The following NADSYN1 variants were observed in gnomAD, a reference collection of about 807,000 sequenced individuals.
The protein encoded by NADSYN1 is glutamine-dependent NAD(+) synthetase.
In NADSYN1, 80 loss-of-function variants were observed where a neutral mutation model predicts 99.3. That is an observed-to-expected ratio of 0.81 (90% CI 0.67 to 0.97). NADSYN1 has a LOEUF of 0.97. NADSYN1 is among the 50% of genes least tolerant of loss of function. The pLI is 0.00. For missense variants in NADSYN1, 859 were observed against 948.5 expected (o/e 0.91, Z 1.24); for synonymous variants, 385 against 372.1 (o/e 1.03, Z -0.40).
At chr11:71,480,670 G>A in intron 10 of NADSYN1, 85 bp from the exon 11 acceptor site, 30 of 1,593,296 alleles carry the variant, frequency 1.9e-5, no homozygotes, top group Non-Finnish European at 2.6e-5. Context: ...TGTGGCTGAT[G>A]GAGTCCTGCT....
intron 10 of NADSYN1, 38 bp downstream of exon 10, chr11:71,478,507 C>A: frequency 6.4e-7 from 1 of 1,556,564 alleles, no homozygotes; most frequent in Non-Finnish European, 8.7e-7. Context: ...GGATGCTCAT[C>A]AAAGACGTGG....
intron 5 of NADSYN1, among the ~76,000 whole-genome samples, chr11:71,470,022 A>C (rs930314878): frequency 1.3e-5 from 2 of 152,144 alleles, no homozygotes; most frequent in Non-Finnish European, 2.9e-5. Flanking sequence ...AAAGAACTTT[A>C]ATAAACTCAC....
At chr11:71,480,924 C>A in intron 11 of NADSYN1, 45 bp downstream of exon 11, 1 of 1,608,052 alleles carries the variant, frequency 6.2e-7, no homozygotes, top group South Asian at 1.1e-5. Flanking sequence ...GTCTGTGTGG[C>A]CACGCCCCTG....
intron 16 of NADSYN1, among the ~76,000 whole-genome samples, chr11:71,489,303 C>T (rs796865304): frequency 5.9e-5 from 9 of 152,198 alleles, no homozygotes; most frequent in South Asian, 2.1e-4. Context: ...CTCACCAGTC[C>T]GCCAGTTCAG....
intron 15 of NADSYN1, 80 bp downstream of exon 15, chr11:71,484,527 C>T (rs778967092): frequency 1.3e-6 from 2 of 1,498,292 alleles, no homozygotes; most frequent in Non-Finnish European, 1.8e-6. Context: ...TGTGCAGGTG[C>T]CCCCACCTGG....
At chr11:71,498,144 A>G (rs1478027946) in intron 19 of NADSYN1, among the ~76,000 whole-genome samples, 1 of 152,282 alleles carries the variant, frequency 6.6e-6, no homozygotes, top group East Asian at 1.9e-4. Flanking sequence ...CCCCGGTTTC[A>G]TAGCATCAGA....
At chr11:71,489,562 A>G (rs1327911729) in intron 16 of NADSYN1, among the ~76,000 whole-genome samples, 1 of 152,198 alleles carries the variant, frequency 6.6e-6, no homozygotes, top group African/African-American at 2.4e-5. Context: ...AAGTGCTAAG[A>G]TGGAGACTGT....
chr11:71,487,953 T>C (rs2120497180), intron 16 of NADSYN1, among the ~76,000 whole-genome samples: 1 of 152,216 alleles, frequency 6.6e-6, no homozygotes, highest in Admixed American at 6.5e-5. Flanking sequence ...CCTCATGATG[T>C]AGTACTGAAG....
At chr11:71,484,488 C>T in intron 15 of NADSYN1, 41 bp downstream of exon 15, 1 of 1,586,544 alleles carries the variant, frequency 6.3e-7, no homozygotes. Context: ...GGTGGGGGTG[C>T]AGGGAGCACT....
chr11:71,478,511 G>A, intron 10 of NADSYN1, 42 bp downstream of exon 10: 1 of 1,546,884 alleles, frequency 6.5e-7, no homozygotes. Context: ...GCTCATCAAA[G>A]ACGTGGAAAG....
chr11:71,476,287 G>A, intron 9 of NADSYN1: 1 of 359,130 alleles, frequency 2.8e-6, no homozygotes, highest in Non-Finnish European at 5.5e-6. Flanking sequence ...CACCGAGGCA[G>A]GCGGTAGCAC....
intron 20 of NADSYN1, 140 bp from the exon 21 acceptor site, chr11:71,501,162 C>T (rs529893863): frequency 7.7e-5 from 57 of 741,028 alleles, no homozygotes; most frequent in Middle Eastern, 4.1e-4. Flanking sequence ...CCAGCACACA[C>T]GCCCAGCATC....
In NADSYN1 at chr11:71,453,302, C is replaced by T. The variant is rs1949491444; in HGVS notation, c.6C>T (p.Gly2=). The T allele has an allele frequency of 3.1e-6, 5 of 1,613,480 alleles. No individual in the cohort carries two copies. In the East Asian group the frequency reaches 8.9e-5, roughly 29 times the overall value. M[G]RKVTVATCAL... ...CCCAAGCGACTGCGGCCAGGATGGG[C>T]CGGAAGGTGACCGTGGCCACCTGCG... The change falls in exon 1 of 21, where the codon GGC becomes GGT. Residue 2 remains glycine, a synonymous_variant. Transcript: ENST00000319023.
At chr11:71,463,327 C>T (rs1037307210) in intron 3 of NADSYN1, 105 bp from the exon 4 acceptor site, 34 of 1,021,852 alleles carry the variant, frequency 3.3e-5, no homozygotes, top group Admixed American at 5.6e-5. Flanking sequence ...GAGGAAGCTT[C>T]GTAGTAAAGT....
intron 1 of NADSYN1, among the ~76,000 whole-genome samples, 170 bp from the exon 2 acceptor site, chr11:71,454,940 C>A (rs1284500374): frequency 1.3e-5 from 2 of 152,154 alleles, no homozygotes; most frequent in African/African-American, 4.8e-5. Flanking sequence ...CCTCTGCTGC[C>A]ATGCTGTCAA....
intron 11 of NADSYN1, 200 bp from the exon 12 acceptor site, chr11:71,481,156 G>T: frequency 1.5e-6 from 1 of 669,204 alleles, no homozygotes; most frequent in Non-Finnish European, 2.6e-6. Context: ...AAATGAGGAC[G>T]ATGATAATAC....
chr11:71,467,307 A>G (rs1427626354), intron 5 of NADSYN1, among the ~76,000 whole-genome samples: 2 of 152,192 alleles, frequency 1.3e-5, no homozygotes, highest in Non-Finnish European at 2.9e-5. Flanking sequence ...GCACAGGCAA[A>G]CAGACGTCTC....
chr11:71,473,521 T>G (rs1591127193), intron 7 of NADSYN1, 48 bp from the exon 8 acceptor site: 1 of 1,565,650 alleles, frequency 6.4e-7, no homozygotes, highest in Non-Finnish European at 8.8e-7. Context: ...GGGAGGCTGG[T>G]TTGGAGGAGT....
intron 17 of NADSYN1, 65 bp downstream of exon 17, chr11:71,491,041 A>G (rs1949775457): frequency 2.5e-6 from 4 of 1,597,300 alleles, no homozygotes; most frequent in Non-Finnish European, 3.4e-6. Flanking sequence ...GGCCCCGGCC[A>G]CCCTGGCCCA....
Sources: allele counts gnomAD v4.1 joint callset (sites outside exome capture counted in the v4.1 genomes callset), GRCh38; gene constraint gnomAD v4.1.1; transcripts MANE v1.5; gene names NCBI Gene and HGNC (gene_info 2026-07-23, HGNC 2026-07-21).